FGGY: variants seen among roughly 807,000 people sequenced by gnomAD.
The protein encoded by FGGY is FGGY carbohydrate kinase domain-containing protein.
A neutral mutation model predicts 71.3 loss-of-function variants in FGGY; 72 were observed. The ratio of observed to expected loss-of-function variants is 1.01; its 90% CI spans 0.84 to 1.23. The LOEUF is 1.23. Among genes scored for constraint, FGGY ranks in the 50% most tolerant of loss-of-function variants. The probability of loss-of-function intolerance (pLI) is 0.00; values close to 1 mark genes in which losing one functional copy is unlikely to be tolerated. For missense variants in FGGY, 668 were observed against 682.3 expected, an observed-to-expected ratio of 0.98 and a Z score of 0.23; for synonymous variants, 251 against 250.3, an observed-to-expected ratio of 1.00 and a Z score of -0.02.
chr1:59,572,769 AG>A (rs2096008648), intron 8 of FGGY, among the ~76,000 whole-genome samples: 2 of 152,188 alleles, frequency 1.3e-5, no homozygotes, highest in African/African-American at 2.4e-5. Context: ...GAGGCTTATT[AG>A]GTATCTCACC....
chr1:59,703,965 T>C (rs947857950), intron 14 of FGGY, among the ~76,000 whole-genome samples: 7 of 152,138 alleles, frequency 4.6e-5, no homozygotes, highest in African/African-American at 1.7e-4. Flanking sequence ...ATTCTTGTTG[T>C]AGTTGTATTG....
At chr1:59,390,813 A>G (rs1368894605) in intron 5 of FGGY, among the ~76,000 whole-genome samples, 1 of 152,190 alleles carries the variant, frequency 6.6e-6, no homozygotes, top group Non-Finnish European at 1.5e-5. Context: ...TCACAAGGTA[A>G]AGGGAGAAGG....
chr1:59,436,492 G>A (rs2068509148), intron 5 of FGGY, among the ~76,000 whole-genome samples: 1 of 152,164 alleles, frequency 6.6e-6, no homozygotes, highest in African/African-American at 2.4e-5. Flanking sequence ...TACAACAACA[G>A]CATGTTCATC....
rs74087484 is a variant in FGGY, at chr1:59,435,047, C to T, written c.555-21914C>T. Among the ~76,000 whole-genome samples, 746 of 152,162 alleles carry T rather than the reference C, an allele frequency of 4.9e-3. 4 individuals carry two copies. Among genetic ancestry groups the T allele is most frequent in the African/African-American group, 0.017 (704 of 41,504 alleles). On this transcript the variant is annotated intron_variant, in intron 5 of 15. Coordinates refer to ENST00000303721, the MANE Select transcript of FGGY (RefSeq NM_018291.5). Reference sequence around the variant, plus strand: ...AGATAAAGATGAGGTGCTCAGGATCCGGCAGCAGTGATAGACAGGAAATTA... The same window carrying T: ...AGATAAAGATGAGGTGCTCAGGATCTGGCAGCAGTGATAGACAGGAAATTA...
At chr1:59,562,136 A>G (rs1293435793) in intron 8 of FGGY, among the ~76,000 whole-genome samples, 1 of 152,166 alleles carries the variant, frequency 6.6e-6, no homozygotes, top group Non-Finnish European at 1.5e-5. Flanking sequence ...TAGCCATTCC[A>G]CTCTTACAAA....
chr1:59,750,491 A>T (rs2098236132), intron 14 of FGGY, among the ~76,000 whole-genome samples: 2 of 152,244 alleles, frequency 1.3e-5, no homozygotes, highest in East Asian at 3.8e-4. Context: ...CATATAGTCA[A>T]CACTCTAAAG....
chr1:59,600,596 AC>A (rs1156752994), intron 8 of FGGY, among the ~76,000 whole-genome samples: 5 of 152,118 alleles, frequency 3.3e-5, no homozygotes, highest in African/African-American at 1.2e-4. Flanking sequence ...TGGACACCAA[AC>A]TTTTCCACCG....
At chr1:59,494,185 T>C (rs537999373) in intron 6 of FGGY, among the ~76,000 whole-genome samples, 2 of 152,318 alleles carry the variant, frequency 1.3e-5, no homozygotes, top group South Asian at 4.1e-4. Flanking sequence ...CCATGTGAGA[T>C]GGAGAAACCA....
intron 10 of FGGY, among the ~76,000 whole-genome samples, chr1:59,631,267 C>T (rs2096905995): frequency 6.6e-6 from 1 of 152,162 alleles, no homozygotes. Context: ...AGCTTCCTGG[C>T]CCTCTTCTCT....
intron 11 of FGGY, among the ~76,000 whole-genome samples, chr1:59,644,621 C>T (rs1157523630): frequency 1.3e-5 from 2 of 151,782 alleles, no homozygotes; most frequent in African/African-American, 4.8e-5. Flanking sequence ...AGACACGCCC[C>T]CCCCCACCCA....
At chr1:59,679,530 T>C (rs1016242094) in intron 14 of FGGY, among the ~76,000 whole-genome samples, 15 of 152,056 alleles carry the variant, frequency 9.9e-5, no homozygotes, top group East Asian at 1.9e-4. Context: ...TTCATGTTCA[T>C]TGGGGACAAA....
intron 4 of FGGY, among the ~76,000 whole-genome samples, chr1:59,348,893 A>G (rs1403192222): frequency 6.6e-6 from 1 of 152,176 alleles, no homozygotes; most frequent in Admixed American, 6.5e-5. Context: ...TCTACTGTCA[A>G]CAATTGTATG....
chr1:59,712,265 T>A (rs915124595), intron 14 of FGGY, among the ~76,000 whole-genome samples: 1 of 152,218 alleles, frequency 6.6e-6, no homozygotes, highest in Non-Finnish European at 1.5e-5. Context: ...TCCCATCATC[T>A]TGGGCAGCTC....
At position 59,514,053 on chromosome 1, in the gene FGGY, G is replaced by A. The variant is rs74086220; in HGVS notation, c.799+1614G>A. 8.0e-3 allele frequency among the ~76,000 whole-genome samples: 1,219 copies of A among 152,314 alleles called. 14 individuals carry two copies. The highest frequency in any genetic ancestry group is 0.028 in the African/African-American group (1,155 of 41,564). Reference sequence around the variant, plus strand: ...GTTGTTTCTCTCCAAATACTTTTCAGTGTGAGCAATGTGTGCTTTTGATTG... The same window carrying A: ...GTTGTTTCTCTCCAAATACTTTTCAATGTGAGCAATGTGTGCTTTTGATTG... On this transcript the variant is annotated intron_variant, in intron 7 of 15. Transcript: ENST00000303721.
rs193066977 is a variant in FGGY, at chr1:59,734,744, T to C, written c.1513-23187T>C. On this transcript the variant is annotated intron_variant, in intron 14 of 15. Coordinates refer to ENST00000303721, the MANE Select transcript of FGGY (RefSeq NM_018291.5). ...GGGGAGGGGATGGCCCTGGTCCCTC[T>C]GACTCTGACAGGGACTGCCCTCCCA... Among the ~76,000 whole-genome samples the C allele has an allele frequency of 1.9e-3, 292 of 152,316 alleles. 2 individuals carry two copies. The highest frequency in any genetic ancestry group is 6.7e-3 in the African/African-American group (277 of 41,580).
At chr1:59,562,199 G>A (rs997601358) in intron 8 of FGGY, among the ~76,000 whole-genome samples, 2 of 152,048 alleles carry the variant, frequency 1.3e-5, no homozygotes, top group Non-Finnish European at 2.9e-5. Flanking sequence ...AACAAATAAA[G>A]CTTTGTAATA....
intron 9 of FGGY, 132 bp downstream of exon 9, chr1:59,608,042 T>A (rs1289031370): frequency 1.5e-6 from 1 of 662,548 alleles, no homozygotes; most frequent in Non-Finnish European, 2.6e-6. Flanking sequence ...TTTCTCTTAG[T>A]GCACAGCCTA....
chr1:59,372,624 C>G (rs1452621966), intron 4 of FGGY, among the ~76,000 whole-genome samples: 1 of 152,106 alleles, frequency 6.6e-6, no homozygotes, highest in South Asian at 2.1e-4. Context: ...AATTTTAGAC[C>G]AATATCCTTG....
At chr1:59,661,693 GTTTTGTTTTTGTTTTTGT>G (rs370165720) in intron 12 of FGGY, among the ~76,000 whole-genome samples, 256 of 148,110 alleles carry the variant, frequency 1.7e-3, no homozygotes, top group African/African-American at 6.1e-3. Context: ...TTAAGAGGGT[GTTTTGTTTTTGTTTTTGT>G]TTTTGTTTTT....
Sources: allele counts gnomAD v4.1 joint callset (sites outside exome capture counted in the v4.1 genomes callset), GRCh38; gene constraint gnomAD v4.1.1; transcripts MANE v1.5; gene names NCBI Gene and HGNC (gene_info 2026-07-23, HGNC 2026-07-21).